Variants in PRDM5 observed in about 807,000 individuals in gnomAD.
PRDM5 encodes PR/SET domain 5.
A neutral mutation model predicts 81.2 loss-of-function variants in PRDM5; 56 were observed. The ratio of observed to expected loss-of-function variants is 0.69; its 90% CI spans 0.56 to 0.86. The LOEUF is 0.86. PRDM5 is among the 40% of genes least tolerant of loss of function. The probability of loss-of-function intolerance (pLI) is 0.00; values close to 1 mark genes in which losing one functional copy is unlikely to be tolerated. For synonymous variants in PRDM5, 267 were observed against 256.4 expected, an observed-to-expected ratio of 1.04 and a Z score of -0.39; for missense variants, 697 against 770.1, an observed-to-expected ratio of 0.91 and a Z score of 1.12.
intron 2 of PRDM5, among the ~76,000 whole-genome samples, chr4:120,867,198 T>G (rs547597965): frequency 6.6e-6 from 1 of 152,298 alleles, no homozygotes; most frequent in South Asian, 2.1e-4. Flanking sequence ...TACCTTGATC[T>G]GGCCTTTTAA....
At chr4:120,736,344 T>A (rs1321731662) in intron 14 of PRDM5, among the ~76,000 whole-genome samples, 1 of 152,098 alleles carries the variant, frequency 6.6e-6, no homozygotes, top group Non-Finnish European at 1.5e-5. Context: ...CAGGTATCTT[T>A]TTGATATAAT....
At chr4:120,760,275 C>T (rs986697152) in intron 13 of PRDM5, among the ~76,000 whole-genome samples, 1 of 152,144 alleles carries the variant, frequency 6.6e-6, no homozygotes, top group Non-Finnish European at 1.5e-5. Context: ...TATCAACGCT[C>T]ATCAAGAAAA....
intron 10 of PRDM5, among the ~76,000 whole-genome samples, 180 bp from the exon 11 acceptor site, chr4:120,785,271 G>A (rs1455929479): frequency 6.6e-6 from 1 of 151,802 alleles, no homozygotes; most frequent in Non-Finnish European, 1.5e-5. Context: ...GTTTGCAAGA[G>A]GAAAAATAAC....
intron 8 of PRDM5, among the ~76,000 whole-genome samples, chr4:120,801,741 G>C (rs1266147124): frequency 6.6e-6 from 1 of 152,134 alleles, no homozygotes; most frequent in African/African-American, 2.4e-5. Context: ...GCATGTTAAA[G>C]GCAGCCTCTT....
chr4:120,826,489 C>T (rs1756003090), intron 3 of PRDM5, among the ~76,000 whole-genome samples: 1 of 152,086 alleles, frequency 6.6e-6, no homozygotes, highest in Non-Finnish European at 1.5e-5. Context: ...CAATGAATTT[C>T]TAATATGTGT....
At chr4:120,859,690 C>T (rs1561516877) in intron 2 of PRDM5, among the ~76,000 whole-genome samples, 3 of 152,164 alleles carry the variant, frequency 2.0e-5, no homozygotes. Context: ...TATTGACACA[C>T]TTTCTTATGC....
intron 15 of PRDM5, 66 bp from the exon 16 acceptor site, chr4:120,695,341 C>G: frequency 6.5e-7 from 1 of 1,545,132 alleles, no homozygotes; most frequent in South Asian, 1.1e-5. Flanking sequence ...CAAAATTTAA[C>G]ACTCACACTA....
Position 120,710,220 on chromosome 4 carries a change from GACACACACACACACACACATAC to G in PRDM5, c.1728+67_1728+88del, listed in dbSNP as rs926920967. ...TCCAGCAATGCAACACACACACACA[GACACACACACACACACACATAC>G]ACACACACACACACCCCTACTTTCT... On this transcript the variant is annotated intron_variant, in intron 15 of 15. Coordinates refer to ENST00000264808, the MANE Select transcript of PRDM5 (RefSeq NM_018699.4). 22 of 981,810 alleles carry G rather than the reference GACACACACACACACACACATAC, an allele frequency of 2.2e-5. No individual in the cohort carries two copies. The East Asian group carries it at 4.7e-4, about 21-fold the overall frequency. The allele number at this position is 981,810 out of a possible 1,614,324, so 60.8% of individuals were successfully genotyped here.
chr4:120,853,362 T>C, intron 3 of PRDM5, 56 bp downstream of exon 3: 2 of 1,611,522 alleles, frequency 1.2e-6, no homozygotes, highest in East Asian at 2.2e-5. Flanking sequence ...TACAGTCATA[T>C]ATTAATTCAT....
chr4:120,838,878 C>CCA (rs1459045222), intron 3 of PRDM5: 2 of 263,042 alleles, frequency 7.6e-6, no homozygotes, highest in Non-Finnish European at 1.5e-5. Flanking sequence ...AGGGAGACTG[C>CCA]ATGGAGCGGC....
At position 120,914,831 on chromosome 4, in the gene PRDM5, A is replaced by AGCC. The variant is rs1456072071; in HGVS notation, c.94-7275_94-7274insGGC. 1.6e-4 allele frequency among the ~76,000 whole-genome samples: 25 copies of AGCC among 152,346 alleles called. No homozygotes were observed. In the Middle Eastern group the frequency reaches 0.01, roughly 62 times the overall value. ...GTAATACTATTCAGCCATAAAAAAT[A>AGCC]ACAAAATAATGTCTCTGGCAGCGGC... On this transcript the variant is annotated intron_variant, in intron 1 of 15. Coordinates refer to ENST00000264808, the MANE Select transcript of PRDM5 (RefSeq NM_018699.4).
chr4:120,739,063 T>A (rs1042429810), intron 14 of PRDM5, among the ~76,000 whole-genome samples: 7 of 152,212 alleles, frequency 4.6e-5, no homozygotes, highest in African/African-American at 1.7e-4. Flanking sequence ...CAAAATGGCT[T>A]ACTCAGATGG....
Position 120,829,933 on chromosome 4 carries a change from A to G in PRDM5, c.301-8588T>C, listed in dbSNP as rs1365885152. On this transcript the variant is annotated intron_variant, in intron 3 of 15. Coordinates refer to ENST00000264808, the MANE Select transcript of PRDM5 (RefSeq NM_018699.4). ...AAGACAAGCGATGAAGGTGCAAAAA[A>G]GAAAACAGAATGAAACAGTAAAGAT... is the stretch of plus-strand genomic sequence containing the variant. 1.1e-4 allele frequency among the ~76,000 whole-genome samples: 17 copies of G among 152,134 alleles called. 1 individual carries two copies.
chr4:120,915,055 C>T (rs72923582), intron 1 of PRDM5, among the ~76,000 whole-genome samples: 104 of 152,212 alleles, frequency 6.8e-4, no homozygotes, highest in African/African-American at 2.4e-3. Context: ...ATATACATTA[C>T]TCAGTGAGTG....
At chr4:120,862,859 G>A (rs1446060779) in intron 2 of PRDM5, among the ~76,000 whole-genome samples, 4 of 151,930 alleles carry the variant, frequency 2.6e-5, no homozygotes, top group South Asian at 4.2e-4. Context: ...TTTTATTTGC[G>A]GGCAAAGAGT....
At chr4:120,867,546 A>T (rs886886171) in intron 2 of PRDM5, among the ~76,000 whole-genome samples, 1 of 152,208 alleles carries the variant, frequency 6.6e-6, no homozygotes, top group African/African-American at 2.4e-5. Context: ...TATTGACCAT[A>T]AATATTTTTT....
chr4:120,706,757 T>TA (rs1287263606), intron 15 of PRDM5, among the ~76,000 whole-genome samples: 55 of 94,860 alleles, frequency 5.8e-4, no homozygotes, highest in African/African-American at 1.8e-3. Context: ...TTATATAAAT[T>TA]TTATATATAT....
intron 14 of PRDM5, among the ~76,000 whole-genome samples, chr4:120,740,287 A>G (rs1741721440): frequency 6.6e-6 from 1 of 152,214 alleles, no homozygotes; most frequent in Admixed American, 6.5e-5. Flanking sequence ...AAGTTTAGAA[A>G]TTCTAAAAAT....
chr4:120,876,949 C>T (rs1006096234), intron 2 of PRDM5, among the ~76,000 whole-genome samples: 9 of 152,124 alleles, frequency 5.9e-5, no homozygotes, highest in African/African-American at 1.9e-4. Flanking sequence ...AAAACAAACT[C>T]TTATAGGACA....
Sources: gnomAD v4.1 joint callset for allele counts (sites outside exome capture counted in the v4.1 genomes callset) on GRCh38, gnomAD v4.1.1 for gene constraint, MANE v1.5 for transcripts, NCBI Gene and HGNC (gene_info 2026-07-23, HGNC 2026-07-21) for gene names.